Variants in RNF220 observed in about 807,000 individuals in gnomAD.
RNF220 encodes the protein ring finger protein 220, also known as E3 ubiquitin-protein ligase RNF220.
A neutral mutation model predicts 67.1 loss-of-function variants in RNF220; 7 were observed. That is an observed-to-expected ratio of 0.10 (90% CI 0.06 to 0.20). RNF220 has a LOEUF of 0.20. RNF220 is among the 10% of genes least tolerant of loss of function. RNF220 has a pLI of 1.00. For missense variants in RNF220, 565 were observed against 740.3 expected, an observed-to-expected ratio of 0.76 and a Z score of 2.75; for synonymous variants, 270 against 283.2, an observed-to-expected ratio of 0.95 and a Z score of 0.47.
intron 2 of RNF220, among the ~76,000 whole-genome samples, chr1:44,576,635 G>A (rs1452859210): frequency 6.6e-6 from 1 of 152,064 alleles, no homozygotes; most frequent in African/African-American, 2.4e-5. Context: ...GTAAACAGCT[G>A]AGCAGCTGGG....
chr1:44,535,894 G>A (rs1157220547), intron 2 of RNF220, among the ~76,000 whole-genome samples: 3 of 152,272 alleles, frequency 2.0e-5, no homozygotes, highest in Admixed American at 2.0e-4. Flanking sequence ...TGTGGGTCCA[G>A]GCAGTTCAAG....
At chr1:44,414,504 A>G (rs1171957837) in intron 2 of RNF220, among the ~76,000 whole-genome samples, 2 of 152,106 alleles carry the variant, frequency 1.3e-5, no homozygotes, top group African/African-American at 4.8e-5. Context: ...GAGCAGGAGG[A>G]AGCTTGTTAG....
intron 2 of RNF220, among the ~76,000 whole-genome samples, chr1:44,578,934 G>A (rs1289177028): frequency 6.6e-6 from 1 of 152,136 alleles, no homozygotes; most frequent in Admixed American, 6.5e-5. Context: ...GGGAGGCCGA[G>A]GCGGGTGGAT....
intron 2 of RNF220, among the ~76,000 whole-genome samples, chr1:44,509,792 C>A (rs1341724171): frequency 7.1e-6 from 1 of 140,254 alleles, no homozygotes; most frequent in Admixed American, 7.8e-5. Context: ...GAGGCTAAGG[C>A]ACGAGAATTG....
intron 2 of RNF220, among the ~76,000 whole-genome samples, chr1:44,537,160 AC>A (rs1450770479): frequency 2.0e-5 from 3 of 151,752 alleles, no homozygotes; most frequent in Non-Finnish European, 4.4e-5. Context: ...CCCCTCTTCT[AC>A]CCCCTGCATA....
Position 44,622,640 on chromosome 1 carries a change from C to T in RNF220, c.759-102C>T, listed in dbSNP as rs551148340. Reference sequence around the variant, plus strand: ...CTTGGCTGAGCTGGGCTGGGCTAGGCGGTCTATGCCTTCTCTGTCTTTGGG... The same window carrying T: ...CTTGGCTGAGCTGGGCTGGGCTAGGTGGTCTATGCCTTCTCTGTCTTTGGG... On this transcript the variant is annotated intron_variant, in intron 3 of 14. Transcript: ENST00000361799. The surrounding 1 kb of genome is among the most constrained non-coding windows in gnomAD (Gnocchi z 4.3). 4.4e-5 allele frequency: 45 copies of T among 1,020,498 alleles called. No individual in the cohort carries two copies. The highest frequency in any genetic ancestry group is 4.7e-5 in the African/African-American group (3 of 63,550). 63.2% of individuals were successfully genotyped at this position (1,020,498 alleles called of 1,614,324 possible). A position where few individuals can be genotyped will look rare whatever the true frequency, so the allele number is the denominator to read the frequency against.
At chr1:44,504,697 TC>T (rs1381235201) in intron 2 of RNF220, among the ~76,000 whole-genome samples, 1 of 152,186 alleles carries the variant, frequency 6.6e-6, no homozygotes, top group Non-Finnish European at 1.5e-5. Context: ...AGTGACAAGA[TC>T]CCAGCACCTG....
chr1:44,525,931 C>T (rs1179552077), intron 2 of RNF220, among the ~76,000 whole-genome samples: 1 of 152,200 alleles, frequency 6.6e-6, no homozygotes, highest in Non-Finnish European at 1.5e-5. Context: ...TCCTCACTCC[C>T]ACTGAATCTG....
Position 44,412,576 on chromosome 1 carries a change from G to T in RNF220, c.479G>T (p.Gly160Val), listed in dbSNP as rs746015309. Residue 160 changes from glycine (G) to valine (V), a missense_variant, in exon 2 of 15, where the codon GGC becomes GTC. Physicochemically the swap from Gly to Val is moderately radical, Grantham distance 109. Coordinates refer to ENST00000361799, the MANE Select transcript of RNF220 (RefSeq NM_018150.4). The surrounding 1 kb of genome is among the most constrained non-coding windows in gnomAD (Gnocchi z 5.3). The stretch of plus-strand genomic sequence containing the variant: ...CACTTGCGCTTCTCAGATGCAGATG[G>T]CAAGGAATATGACTTTGGGACACAG... The part of the protein sequence containing the change: ...SPHLRFSDAD[G>V]KEYDFGTQLP... 1 of 1,614,160 alleles carries T rather than the reference G, an allele frequency of 6.2e-7. No individual in the cohort carries two copies. The highest frequency in any genetic ancestry group is 8.5e-7 in the Non-Finnish European group (1 of 1,180,024).
At chr1:44,631,994 T>C (rs1644147463) in intron 5 of RNF220, 1 of 1,009,786 alleles carries the variant, frequency 9.9e-7, no homozygotes, top group Admixed American at 5.9e-5. Context: ...CCGCCGCCGC[T>C]TGGAGCTGAA....
At chr1:44,555,051 T>G (rs1207225213) in intron 2 of RNF220, among the ~76,000 whole-genome samples, 1 of 152,128 alleles carries the variant, frequency 6.6e-6, no homozygotes, top group African/African-American at 2.4e-5. Context: ...TAGGATCAAC[T>G]CCAGTCTCCT....
intron 2 of RNF220, among the ~76,000 whole-genome samples, chr1:44,545,299 T>C (rs1362763743): frequency 6.6e-6 from 1 of 152,254 alleles, no homozygotes; most frequent in East Asian, 1.9e-4. Context: ...AAAGAAGCTT[T>C]ATTGAAGGGA....
At chr1:44,636,268 C>T (rs1218469483) in intron 8 of RNF220, 106 bp downstream of exon 8, 15 of 1,429,044 alleles carry the variant, frequency 1.0e-5, no homozygotes, top group Non-Finnish European at 1.2e-5. Flanking sequence ...GTCATCCATC[C>T]GTTCCACCAC....
intron 2 of RNF220, among the ~76,000 whole-genome samples, chr1:44,505,275 C>T (rs563552013): frequency 6.6e-6 from 1 of 152,218 alleles, no homozygotes; most frequent in Non-Finnish European, 1.5e-5. Flanking sequence ...CAGGCAACCC[C>T]AAGGAAACAG....
chr1:44,588,022 C>T (rs1572964930), intron 2 of RNF220, among the ~76,000 whole-genome samples: 1 of 152,260 alleles, frequency 6.6e-6, no homozygotes, highest in Non-Finnish European at 1.5e-5. Context: ...CAGCTGACCC[C>T]GAGGCCATAA....
intron 2 of RNF220, among the ~76,000 whole-genome samples, chr1:44,566,142 A>G (rs1403805872): frequency 1.3e-5 from 2 of 151,592 alleles, no homozygotes; most frequent in East Asian, 3.9e-4. Context: ...AGGGGCAGGG[A>G]CCCTTTTTGT....
At chr1:44,415,403 G>A (rs1206233350) in intron 2 of RNF220, among the ~76,000 whole-genome samples, 1 of 151,992 alleles carries the variant, frequency 6.6e-6, no homozygotes, top group African/African-American at 2.4e-5. Flanking sequence ...GACGGGGTAT[G>A]GGGATATGAA....
At chr1:44,445,041 C>A (rs1386065988) in intron 2 of RNF220, among the ~76,000 whole-genome samples, 3 of 152,094 alleles carry the variant, frequency 2.0e-5, no homozygotes, top group Admixed American at 2.0e-4. Context: ...TATTGTCAGA[C>A]CTTTTAATAT....
intron 2 of RNF220, among the ~76,000 whole-genome samples, chr1:44,418,863 G>A (rs3866644): frequency 0.67 from 101,253 of 151,970 alleles, 34,868 homozygotes; most frequent in Middle Eastern, 0.87. Context: ...TGGAGTGACA[G>A]CATATTTAAT....
Sources: gnomAD v4.1 joint callset for allele counts (sites outside exome capture counted in the v4.1 genomes callset) on GRCh38, gnomAD v4.1.1 for gene constraint, Gnocchi (gnomAD v3.1) non-coding constraint, MANE v1.5 for transcripts, NCBI Gene and HGNC (gene_info 2026-07-23, HGNC 2026-07-21) for gene names.